The following PCDH7 variants were observed in gnomAD, a reference collection of about 807,000 sequenced individuals.
The protein encoded by PCDH7 is protocadherin 7.
PCDH7 carries 17 observed loss-of-function variants against 58.9 expected under a neutral mutation model. The ratio of observed to expected loss-of-function variants is 0.29; its 90% CI spans 0.20 to 0.43. PCDH7 has a LOEUF of 0.43. Ranked by LOEUF, PCDH7 falls within the 20% of genes least tolerant of loss-of-function variation. The pLI, the probability that PCDH7 is intolerant of heterozygous loss-of-function variation, is 1.00. For synonymous variants in PCDH7, 664 were observed against 616.4 expected, an observed-to-expected ratio of 1.08 and a Z score of -1.14; for missense variants, 1,274 against 1,441.0, an observed-to-expected ratio of 0.88 and a Z score of 1.88.
intron 3 of PCDH7, among the ~76,000 whole-genome samples, chr4:31,101,911 G>T (rs1212349340): frequency 2.6e-5 from 4 of 152,106 alleles, no homozygotes; most frequent in African/African-American, 9.7e-5. Flanking sequence ...ACAAATGAAA[G>T]GACATGGTAG....
At chr4:30,995,536 C>T (rs1224795907) in intron 3 of PCDH7, among the ~76,000 whole-genome samples, 1 of 151,368 alleles carries the variant, frequency 6.6e-6, no homozygotes, top group Non-Finnish European at 1.5e-5. Context: ...AAAAGATGAA[C>T]GAGGAAGGGT....
At position 31,097,587 on chromosome 4, in the gene PCDH7, C is replaced by CAT. The variant is rs1190443409; in HGVS notation, c.*8-44836_*8-44835dup. 7.7e-3 allele frequency among the ~76,000 whole-genome samples: 308 copies of CAT among 39,974 alleles called. 14 individuals are homozygous for CAT. Among genetic ancestry groups the CAT allele is most frequent in the Middle Eastern group, 0.017 (1 of 58 alleles). The allele number at this position is 39,974 out of a possible 152,430, so 26.2% of individuals were successfully genotyped here. A position where few individuals can be genotyped will look rare whatever the true frequency, so the allele number is the denominator to read the frequency against. The stretch of plus-strand genomic sequence containing the variant: ...TGTGGCTGTTTTTCCTCCAAATATA[C>CAT]ATATATATATATATATATATATATA... On this transcript the variant is annotated intron_variant, in intron 3 of 3. Transcript: ENST00000509759.
chr4:31,083,527 T>C (rs560445212), intron 3 of PCDH7, among the ~76,000 whole-genome samples: 1 of 152,294 alleles, frequency 6.6e-6, no homozygotes, highest in African/African-American at 2.4e-5. Context: ...TTTGCCATAC[T>C]CTTAAAAAGT....
chr4:30,937,084 G>T (rs1745446925), intron 2 of PCDH7, among the ~76,000 whole-genome samples: 1 of 151,910 alleles, frequency 6.6e-6, no homozygotes, highest in Non-Finnish European at 1.5e-5. Flanking sequence ...TCTGGAGTTG[G>T]TCCCATGACT....
At chr4:31,092,117 T>C (rs553805077) in intron 3 of PCDH7, among the ~76,000 whole-genome samples, 1 of 152,110 alleles carries the variant, frequency 6.6e-6, no homozygotes, top group African/African-American at 2.4e-5. Flanking sequence ...TGATGTGCAA[T>C]AGGATTTTCT....
At chr4:30,962,755 G>A (rs1300966369) in intron 3 of PCDH7, among the ~76,000 whole-genome samples, 8 of 145,766 alleles carry the variant, frequency 5.5e-5, no homozygotes, top group African/African-American at 2.1e-4. Context: ...GCAGCCTGGG[G>A]GTCAGAATGA....
Position 30,722,174 on chromosome 4 carries a change from C to T in PCDH7, c.752C>T (p.Thr251Ile). 3.9e-6 allele frequency: 6 copies of T among 1,547,482 alleles called. No homozygotes were observed. Among genetic ancestry groups the T allele is most frequent in the Non-Finnish European group, 5.2e-6 (6 of 1,147,656 alleles). The change falls in exon 1 of 2, where the codon ACC (threonine) becomes ATC (isoleucine). Residue 251 changes from threonine to isoleucine, a missense_variant. By Grantham distance (89) the Thr-to-Ile change is moderately conservative. Around this residue, in one of 3 missense-constraint regions of PCDH7, gnomAD observed 331 missense variants for 303.2 expected, o/e 1.09. Transcript: ENST00000361762. This position sits in a 1 kb window ranked among gnomAD's most constrained non-coding sequence, Gnocchi z 7.6. ...GTGTTCGAGCTGCAGGTGGCGGACA[C>T]CCCGGACGGCGAGAAGCAGCCGCAG... is the stretch of plus-strand genomic sequence containing the variant.
At chr4:30,974,018 T>G (rs1749829022) in intron 3 of PCDH7, among the ~76,000 whole-genome samples, 1 of 152,002 alleles carries the variant, frequency 6.6e-6, no homozygotes, top group South Asian at 2.1e-4. Flanking sequence ...TCATGACAGA[T>G]ACCCTTGTCT....
intron 1 of PCDH7, among the ~76,000 whole-genome samples, chr4:30,746,320 T>C (rs760347105): frequency 6.6e-6 from 1 of 152,140 alleles, no homozygotes; most frequent in Admixed American, 6.6e-5. Context: ...TAAAAGATAG[T>C]AAACAAAAAT....
intron 1 of PCDH7, among the ~76,000 whole-genome samples, chr4:30,870,653 G>T (rs1735462515): frequency 6.6e-6 from 1 of 152,102 alleles, no homozygotes. Context: ...CCTCCAGGAA[G>T]TGCGAAAATA....
At chr4:30,754,161 G>GGTGT (rs137965585) in intron 1 of PCDH7, among the ~76,000 whole-genome samples, 15,897 of 138,530 alleles carry the variant, frequency 0.11, 1,091 homozygotes, top group East Asian at 0.26. Flanking sequence ...GCAAACACTA[G>GGTGT]GTGTGTGTGT....
chr4:30,804,792 T>C (rs1725977228), intron 1 of PCDH7, among the ~76,000 whole-genome samples: 1 of 152,120 alleles, frequency 6.6e-6, no homozygotes, highest in Admixed American at 6.6e-5. Context: ...ACATAAAATA[T>C]CTAACTAAAA....
At chr4:31,103,876 T>G (rs1715216949) in intron 3 of PCDH7, among the ~76,000 whole-genome samples, 2 of 152,228 alleles carry the variant, frequency 1.3e-5, no homozygotes, top group Non-Finnish European at 2.9e-5. Context: ...CTGCTTTCTT[T>G]TCTTTTCAAA....
At chr4:31,094,858 A>C (rs1713748045) in intron 3 of PCDH7, among the ~76,000 whole-genome samples, 1 of 152,160 alleles carries the variant, frequency 6.6e-6, no homozygotes, top group African/African-American at 2.4e-5. Flanking sequence ...ATGATGCCTT[A>C]GGGATATGTT....
chr4:31,024,124 G>A (rs1421905758), intron 3 of PCDH7, among the ~76,000 whole-genome samples: 1 of 152,156 alleles, frequency 6.6e-6, no homozygotes, highest in African/African-American at 2.4e-5. Context: ...TGTGTTTGAG[G>A]AAAGATATAC....
At chr4:30,754,285 C>A (rs1024032282) in intron 1 of PCDH7, among the ~76,000 whole-genome samples, 1 of 151,934 alleles carries the variant, frequency 6.6e-6, no homozygotes, top group African/African-American at 2.4e-5. Flanking sequence ...AGCTCTGTAT[C>A]AGACAATATA....
chr4:31,051,839 GC>G (rs111816167), intron 3 of PCDH7, among the ~76,000 whole-genome samples: 4,130 of 149,814 alleles, frequency 0.028, 215 homozygotes, highest in African/African-American at 0.095. Context: ...TGTGTGGGGG[GC>G]GGGTAGGGGA....
chr4:30,885,152 C>T (rs967778896), intron 1 of PCDH7: 2 of 152,056 alleles, frequency 1.3e-5, no homozygotes, highest in African/African-American at 2.4e-5. Context: ...ACTCTAGTGC[C>T]TCAGAATGAT....
chr4:31,087,466 C>T (rs1158323206), intron 3 of PCDH7, among the ~76,000 whole-genome samples: 1 of 152,064 alleles, frequency 6.6e-6, no homozygotes, highest in Non-Finnish European at 1.5e-5. Context: ...TTTTTCTGTA[C>T]ATTAAAATAA....
Sources: gnomAD v4.1 joint callset for allele counts (sites outside exome capture counted in the v4.1 genomes callset) on GRCh38, gnomAD v4.1.1 for gene constraint, gnomAD v4.1.1 regional missense constraint, Gnocchi (gnomAD v3.1) non-coding constraint, MANE v1.5 for transcripts, NCBI Gene and HGNC (gene_info 2026-07-23, HGNC 2026-07-21) for gene names.